CLNK: variants seen among roughly 807,000 people sequenced by gnomAD.
The protein encoded by CLNK is cytokine dependent hematopoietic cell linker.
CLNK carries 74 observed loss-of-function variants against 68.6 expected under a neutral mutation model. The ratio of observed to expected loss-of-function variants is 1.08; its 90% CI spans 0.89 to 1.31. The LOEUF is 1.31. CLNK is among the 50% of genes most tolerant of loss of function. The probability of loss-of-function intolerance (pLI) is 0.00; values close to 1 mark genes in which losing one functional copy is unlikely to be tolerated. For synonymous variants in CLNK, 198 were observed against 172.2 expected (o/e 1.15, Z -1.17); for missense variants, 553 against 515.3 (o/e 1.07, Z -0.71).
chr4:10,568,490 C>T (rs576916586), intron 5 of CLNK, among the ~76,000 whole-genome samples: 7 of 152,102 alleles, frequency 4.6e-5, no homozygotes, highest in South Asian at 4.2e-4. Context: ...TCATAAAATG[C>T]GTAAATTGAA....
intron 7 of CLNK, 53 bp from the exon 8 acceptor site, chr4:10,558,505 T>C: frequency 6.6e-7 from 1 of 1,525,964 alleles, no homozygotes; most frequent in East Asian, 2.2e-5. Flanking sequence ...TATGACACTA[T>C]CTGATGTCTT....
intron 16 of CLNK, among the ~76,000 whole-genome samples, chr4:10,508,650 A>T (rs1717418436): frequency 6.6e-6 from 1 of 152,212 alleles, no homozygotes; most frequent in Non-Finnish European, 1.5e-5. Flanking sequence ...ATTCCTTCAC[A>T]GGGTTCCGAG....
chr4:10,677,144 A>T (rs1185646418), intron 1 of CLNK, among the ~76,000 whole-genome samples: 2 of 152,166 alleles, frequency 1.3e-5, no homozygotes, highest in African/African-American at 2.4e-5. Flanking sequence ...GAGGAAAAAA[A>T]GTATAAGAAA....
At chr4:10,706,983 C>G in the CLNK span, among the ~76,000 whole-genome samples, 4 of 152,140 alleles carry the variant, frequency 2.6e-5, no homozygotes, top group African/African-American at 9.7e-5. Flanking sequence ...GGTTTCACCA[C>G]GTTGGCCAGG....
intron 1 of CLNK, among the ~76,000 whole-genome samples, chr4:10,671,573 G>T (rs1724643018): frequency 6.6e-6 from 1 of 152,122 alleles, no homozygotes; most frequent in Admixed American, 6.5e-5. Context: ...TCGTGCAAAG[G>T]ATGTGGTGAA....
At chr4:10,541,967 G>C (rs983809984) in intron 10 of CLNK, 55 bp downstream of exon 10, 33 of 1,297,734 alleles carry the variant, frequency 2.5e-5, no homozygotes, top group Non-Finnish European at 3.5e-5. Context: ...TTCAGATGCT[G>C]GCACAAATTA....
At chr4:10,705,292 G>A in the CLNK span, among the ~76,000 whole-genome samples, 2 of 152,242 alleles carry the variant, frequency 1.3e-5, no homozygotes, top group African/African-American at 4.8e-5. Context: ...ACCAATTGGT[G>A]TGACCTGGGG....
intron 15 of CLNK, among the ~76,000 whole-genome samples, chr4:10,516,952 A>T (rs566474494): frequency 6.6e-6 from 1 of 152,334 alleles, no homozygotes; most frequent in Non-Finnish European, 1.5e-5. Context: ...TTACAGTTTA[A>T]ATTACCTTAA....
intron 4 of CLNK, among the ~76,000 whole-genome samples, chr4:10,579,772 T>A (rs1413587103): frequency 6.6e-6 from 1 of 152,156 alleles, no homozygotes; most frequent in African/African-American, 2.4e-5. Flanking sequence ...CACATGTGCC[T>A]GGCAACATGG....
intron 6 of CLNK, among the ~76,000 whole-genome samples, chr4:10,565,332 C>A (rs1720064572): frequency 6.6e-6 from 1 of 152,192 alleles, no homozygotes; most frequent in African/African-American, 2.4e-5. Flanking sequence ...ATGACTTTCT[C>A]CAAATACACT....
At chr4:10,618,148 G>A (rs995520917) in intron 2 of CLNK, among the ~76,000 whole-genome samples, 2 of 152,158 alleles carry the variant, frequency 1.3e-5, no homozygotes, top group African/African-American at 2.4e-5. Flanking sequence ...TTGGTGAGTA[G>A]ATAGACAAAA....
At chr4:10,641,466 C>A (rs989691828) in intron 2 of CLNK, among the ~76,000 whole-genome samples, 2 of 152,140 alleles carry the variant, frequency 1.3e-5, no homozygotes, top group Non-Finnish European at 2.9e-5. Flanking sequence ...CCAGTGGAGA[C>A]CCCATTGCCC....
intron 2 of CLNK, among the ~76,000 whole-genome samples, chr4:10,653,883 G>T (rs1466604374): frequency 2.6e-5 from 4 of 152,196 alleles, no homozygotes. Flanking sequence ...AAACACGTAT[G>T]TAGAAAAATA....
chr4:10,625,653 G>A (rs1722638090), intron 2 of CLNK, among the ~76,000 whole-genome samples: 1 of 152,128 alleles, frequency 6.6e-6, no homozygotes, highest in African/African-American at 2.4e-5. Flanking sequence ...AAAACACAGA[G>A]AAAGAGAGAC....
At chr4:10,658,540 C>T (rs1000976421) in intron 2 of CLNK, among the ~76,000 whole-genome samples, 6 of 152,192 alleles carry the variant, frequency 3.9e-5, no homozygotes, top group East Asian at 1.9e-4. Flanking sequence ...CTGAGCTGAA[C>T]GCCCAGACTG....
At chr4:10,521,397 A>T (rs1358034143) in intron 14 of CLNK, among the ~76,000 whole-genome samples, 1 of 152,246 alleles carries the variant, frequency 6.6e-6, no homozygotes, top group African/African-American at 2.4e-5. Flanking sequence ...AAGACTGTTC[A>T]TCAGTGGCTT....
chr4:10,558,322 C>T (rs1719754940), intron 8 of CLNK, 85 bp downstream of exon 8: 14 of 1,132,142 alleles, frequency 1.2e-5, no homozygotes, highest in Non-Finnish European at 1.7e-5. Flanking sequence ...TCACCCATGA[C>T]CACAAACAGT....
intron 3 of CLNK, among the ~76,000 whole-genome samples, chr4:10,596,352 G>T (rs1227593348): frequency 1.3e-5 from 2 of 152,210 alleles, no homozygotes; most frequent in Middle Eastern, 3.2e-3. Flanking sequence ...AACACAGGAG[G>T]TGTTGGAATG....
intron 8 of CLNK, among the ~76,000 whole-genome samples, chr4:10,552,654 T>G (rs1021163357): frequency 6.6e-5 from 10 of 152,116 alleles, no homozygotes; most frequent in African/African-American, 2.4e-4. Flanking sequence ...AGCAAGCACC[T>G]GTTACCTGCC....
Sources: allele counts gnomAD v4.1 joint callset (sites outside exome capture counted in the v4.1 genomes callset), GRCh38; gene constraint gnomAD v4.1.1; transcripts MANE v1.5; gene names NCBI Gene and HGNC (gene_info 2026-07-23, HGNC 2026-07-21).